The following DEAF1 variants were observed in gnomAD, a reference collection of about 807,000 sequenced individuals.
DEAF1 encodes the protein DEAF1 transcription factor, also known as deformed epidermal autoregulatory factor 1 homolog.
In DEAF1, 53 loss-of-function variants were observed where a neutral mutation model predicts 58.9. The observed-to-expected ratio is 0.90, with a 90% CI of 0.72 to 1.13. The LOEUF is 1.13. Among genes scored for constraint, DEAF1 ranks in the 50% most tolerant of loss-of-function variants. The pLI is 0.00. For missense variants in DEAF1, 685 were observed against 791.4 expected (o/e 0.87, Z 1.61); for synonymous variants, 385 against 340.4 (o/e 1.13, Z -1.44).
chr11:654,653 T>C (rs1440949755), intron 10 of DEAF1: 1 of 454,890 alleles, frequency 2.2e-6, no homozygotes, highest in East Asian at 7.0e-5. Flanking sequence ...GGCGGGTGGA[T>C]CACCTGAGGT....
chr11:692,745 G>A (rs527525398), intron 1 of DEAF1, among the ~76,000 whole-genome samples: 10 of 152,230 alleles, frequency 6.6e-5, no homozygotes, highest in Admixed American at 1.3e-4. Flanking sequence ...CCAGCTACTC[G>A]GGAGGCTGAG....
At chr11:648,885 AAC>A (rs902086893) in intron 11 of DEAF1, among the ~76,000 whole-genome samples, 5 of 152,272 alleles carry the variant, frequency 3.3e-5, no homozygotes, top group Admixed American at 2.0e-4. Flanking sequence ...GCAGTGAAAG[AAC>A]AGAGGAGCAA....
intron 10 of DEAF1, among the ~76,000 whole-genome samples, chr11:658,558 G>C (rs979622172): frequency 6.6e-6 from 1 of 152,272 alleles, no homozygotes; most frequent in Non-Finnish European, 1.5e-5. Flanking sequence ...TCAGGAAACT[G>C]TCAGGAAATC....
chr11:672,856 A>T (rs1044567812), intron 10 of DEAF1, among the ~76,000 whole-genome samples: 5 of 152,088 alleles, frequency 3.3e-5, no homozygotes, highest in Non-Finnish European at 7.3e-5. Context: ...TCAAAAAAAA[A>T]AATTTTTTTT....
chr11:678,645 C>A, intron 9 of DEAF1, 49 bp downstream of exon 9: 1 of 1,612,322 alleles, frequency 6.2e-7, no homozygotes, highest in Non-Finnish European at 8.5e-7. Flanking sequence ...TCATTGGAAG[C>A]AATTCTGAGG....
chr11:682,093 G>A (rs559678977), intron 6 of DEAF1, among the ~76,000 whole-genome samples: 17 of 152,298 alleles, frequency 1.1e-4, no homozygotes, highest in East Asian at 3.9e-4. Context: ...CTCCTGGGGC[G>A]GCCTCGGCTG....
intron 1 of DEAF1, chr11:704,530 G>A (rs1477875129): frequency 7.8e-7 from 1 of 1,289,436 alleles, no homozygotes. Flanking sequence ...ACCAGCGCCT[G>A]CACTCGCAGA....
At chr11:684,762 A>G (rs1860517178) in intron 6 of DEAF1, 136 bp downstream of exon 6, 1 of 772,770 alleles carries the variant, frequency 1.3e-6, no homozygotes, top group East Asian at 2.7e-5. Context: ...AGAGCAACCC[A>G]GGAGAAGTGA....
intron 10 of DEAF1, among the ~76,000 whole-genome samples, chr11:656,092 C>G (rs1859040574): frequency 6.6e-6 from 1 of 151,630 alleles, no homozygotes. Flanking sequence ...AGTCGGCCCC[C>G]CAAAGTGCTG....
At chr11:679,855 G>A (rs1391274337) in intron 7 of DEAF1, 39 bp from the exon 8 acceptor site, 2 of 1,609,212 alleles carry the variant, frequency 1.2e-6, no homozygotes, top group Admixed American at 1.7e-5. Context: ...GCCAGGCAGT[G>A]GCGCCCACGG....
At chr11:673,302 G>A (rs140455892) in intron 10 of DEAF1, among the ~76,000 whole-genome samples, 3 of 152,136 alleles carry the variant, frequency 2.0e-5, no homozygotes, top group African/African-American at 7.2e-5. Flanking sequence ...TGAGGCGGGT[G>A]GATCACCTGA....
chr11:686,039 T>A (rs1439570933), intron 5 of DEAF1, among the ~76,000 whole-genome samples: 1 of 151,472 alleles, frequency 6.6e-6, no homozygotes, highest in Non-Finnish European at 1.5e-5. Flanking sequence ...TCCCAGCACT[T>A]TGGGAGGCCG....
chr11:644,630 A>G lies in DEAF1; in HGVS notation c.1618T>C (p.Cys540Arg). ...ACGGTGACAGCTGCTGACTGGCCGC[A>G]TATGTGCTGGTGATCCTTCCAGTCC... The part of the protein sequence containing the change: ...RKDWKDHQHI[C>R]GQSAAVTVQA... Residue 540 changes from cysteine to arginine, a missense_variant, in exon 12 of 12, where the codon TGC (cysteine) becomes CGC (arginine). Physicochemically the swap from Cys to Arg is radical, Grantham distance 180. Coordinates refer to ENST00000382409, the MANE Select transcript of DEAF1 (RefSeq NM_021008.4). The surrounding 1 kb of genome is among the most constrained non-coding windows in gnomAD (Gnocchi z 4.3). 3 of 1,612,288 alleles carry G rather than the reference A, an allele frequency of 1.9e-6. No homozygotes were observed. The highest frequency in any genetic ancestry group is 2.5e-6 in the Non-Finnish European group (3 of 1,179,766).
Position 704,493 on chromosome 11 carries a change from G to A in DEAF1, c.-438+2079C>T, listed in dbSNP as rs539221133. 3.6e-5 allele frequency: 47 copies of A among 1,289,282 alleles called. 1 individual carries two copies. The highest frequency in any genetic ancestry group is 3.5e-4 in the South Asian group (28 of 81,026). The allele number at this position is 1,289,282 out of a possible 1,614,324, so 79.9% of individuals were successfully genotyped here. ...CTGAGGACCCACTTCACACACCAGC[G>A]CCTGAGCGCCTCGGGCCACCTCCCT... On this transcript the variant is annotated intron_variant, in intron 1 of 11. Coordinates refer to the DEAF1 transcript ENST00000683307.
rs561035439 is a variant in DEAF1, at chr11:662,201, C to T, written c.1504-8150G>A. ...GGCTGAAGCAAGAGAATCGCTTGAT[C>T]CCGGGAGGCAGAGGTTGTGTGTGGT... On this transcript the variant is annotated intron_variant, in intron 10 of 11. Transcript: ENST00000382409. Among the ~76,000 whole-genome samples, 11 of 152,198 alleles carry T rather than the reference C, an allele frequency of 7.2e-5. No individual in the cohort carries two copies. The East Asian group carries it at 2.1e-3, about 29-fold the overall frequency.
Position 679,620 on chromosome 11 carries a change from G to A in DEAF1, c.1126+68C>T, listed in dbSNP as rs529531038. On this transcript the variant is annotated intron_variant, in intron 8 of 11. Coordinates refer to ENST00000382409, the MANE Select transcript of DEAF1 (RefSeq NM_021008.4). Reference sequence around the variant, plus strand: ...AGCAGCCTATGCAGCCCAATGTGGCGTCGGGGATGTGATGTCACAGACAGG... The same window carrying A: ...AGCAGCCTATGCAGCCCAATGTGGCATCGGGGATGTGATGTCACAGACAGG... 2.9e-4 allele frequency: 459 copies of A among 1,599,492 alleles called. 1 individual carries two copies. Among genetic ancestry groups the A allele is most frequent in the Admixed American group, 1.3e-3 (79 of 60,016 alleles).
intron 6 of DEAF1, among the ~76,000 whole-genome samples, chr11:681,511 T>C (rs1248665955): frequency 2.0e-5 from 3 of 151,418 alleles, no homozygotes; most frequent in Admixed American, 1.3e-4. Flanking sequence ...CCCGGGTTCA[T>C]GCCATTCTCC....
chr11:686,359 T>C (rs1157272903), intron 5 of DEAF1, among the ~76,000 whole-genome samples: 2 of 151,924 alleles, frequency 1.3e-5, no homozygotes, highest in South Asian at 4.1e-4. Flanking sequence ...AATGCCATTA[T>C]TGGTGGCAGG....
At chr11:647,466 C>T (rs528691424) in intron 11 of DEAF1, among the ~76,000 whole-genome samples, 1 of 152,012 alleles carries the variant, frequency 6.6e-6, no homozygotes, top group Non-Finnish European at 1.5e-5. Flanking sequence ...AAAACAGAAA[C>T]AAAACCAAAA....
Sources: allele counts gnomAD v4.1 joint callset (sites outside exome capture counted in the v4.1 genomes callset), GRCh38; gene constraint gnomAD v4.1.1; non-coding constraint Gnocchi (gnomAD v3.1); transcripts MANE v1.5; gene names NCBI Gene and HGNC (gene_info 2026-07-23, HGNC 2026-07-21).